The following OPHN1 variants were observed in gnomAD, a reference collection of about 807,000 sequenced individuals.
OPHN1 encodes oligophrenin-1.
OPHN1 carries 11 observed loss-of-function variants against 60.7 expected under a neutral mutation model. The observed-to-expected ratio is 0.18, with a 90% CI of 0.11 to 0.30. OPHN1 has a LOEUF of 0.30. Ranked by LOEUF, OPHN1 falls within the 10% of genes least tolerant of loss-of-function variation. The probability of loss-of-function intolerance (pLI) is 1.00; values close to 1 mark genes in which losing one functional copy is unlikely to be tolerated. For missense variants in OPHN1, 449 were observed against 611.0 expected (o/e 0.73, Z 2.80); for synonymous variants, 226 against 222.6 (o/e 1.02, Z -0.14).
chrX:68,318,182 C>A (rs905267378), intron 2 of OPHN1, among the ~76,000 whole-genome samples: 2 of 111,658 alleles, frequency 1.8e-5, no homozygotes, highest in South Asian at 7.4e-4. Context: ...ATGAACCCCC[C>A]CAAAAAACAA....
chrX:68,076,650 C>T (rs982586692), intron 19 of OPHN1, among the ~76,000 whole-genome samples: 7 of 111,545 alleles, frequency 6.3e-5, no homozygotes, highest in African/African-American at 1.6e-4. Context: ...TACTATGTGA[C>T]TCAGTCATTT....
intron 15 of OPHN1, among the ~76,000 whole-genome samples, chrX:68,169,188 A>G (rs1171604128): frequency 9.0e-6 from 1 of 111,518 alleles, no homozygotes; most frequent in Non-Finnish European, 1.9e-5. Context: ...CAATTGCTTC[A>G]AAGAGAATAA....
At chrX:68,095,351 T>A (rs940129284) in intron 19 of OPHN1, among the ~76,000 whole-genome samples, 3 of 112,092 alleles carry the variant, frequency 2.7e-5, no homozygotes, top group Non-Finnish European at 5.6e-5. Context: ...ACCATCTGTT[T>A]CCATATTGTC....
intron 2 of OPHN1, among the ~76,000 whole-genome samples, chrX:68,315,868 T>C (rs1340287442): frequency 1.8e-5 from 2 of 110,926 alleles, no homozygotes; most frequent in Non-Finnish European, 3.8e-5. Flanking sequence ...ACAAAAGACT[T>C]GTACAATGAA....
At chrX:68,133,216 C>A in intron 15 of OPHN1, 1 of 758,401 alleles carries the variant, frequency 1.3e-6, no homozygotes, top group Non-Finnish European at 2.1e-6. Flanking sequence ...TAGCACCTAG[C>A]TCTCCAGGTT....
intron 2 of OPHN1, among the ~76,000 whole-genome samples, chrX:68,333,671 G>GCACA (rs368691205): frequency 8.4e-5 from 9 of 107,398 alleles, no homozygotes; most frequent in South Asian, 4.0e-4. Flanking sequence ...GCGCGTGCGT[G>GCACA]CACACACACA....
chrX:68,270,233 T>C (rs1458134767), intron 5 of OPHN1, among the ~76,000 whole-genome samples: 2 of 111,142 alleles, frequency 1.8e-5, no homozygotes, highest in Non-Finnish European at 3.8e-5. Flanking sequence ...GCCATCCCAT[T>C]ACTGGGTATA....
intron 2 of OPHN1, among the ~76,000 whole-genome samples, chrX:68,348,449 T>C (rs1350900001): frequency 2.7e-5 from 3 of 109,812 alleles, no homozygotes; most frequent in Non-Finnish European, 5.7e-5. Flanking sequence ...AAAGAAGTAA[T>C]AAAGAGAGCA....
chrX:68,385,115 T>C (rs2078617910), intron 2 of OPHN1, among the ~76,000 whole-genome samples: 1 of 111,562 alleles, frequency 9.0e-6, no homozygotes. Context: ...CAAAATATAT[T>C]GGGAGAAAGG....
At chrX:68,168,080 A>G (rs1258970906) in intron 15 of OPHN1, among the ~76,000 whole-genome samples, 1 of 111,056 alleles carries the variant, frequency 9.0e-6, no homozygotes, top group Non-Finnish European at 1.9e-5. Flanking sequence ...CACTGTCAAC[A>G]TTAGACAGAT....
chrX:68,199,463 C>A (rs1222234631), intron 11 of OPHN1, among the ~76,000 whole-genome samples: 2 of 111,728 alleles, frequency 1.8e-5, no homozygotes, highest in Admixed American at 1.9e-4. Flanking sequence ...CAGAGTAAGA[C>A]CCTCTCTCTA....
intron 19 of OPHN1, among the ~76,000 whole-genome samples, chrX:68,077,044 G>A (rs755627781): frequency 9.0e-6 from 1 of 111,375 alleles, no homozygotes; most frequent in East Asian, 2.8e-4. Context: ...GAAGCGACCA[G>A]CCACTGAAAA....
intron 19 of OPHN1, among the ~76,000 whole-genome samples, chrX:68,077,183 G>A (rs768232473): frequency 9.0e-6 from 1 of 111,679 alleles, no homozygotes; most frequent in East Asian, 2.8e-4. Flanking sequence ...AAGAAAAATC[G>A]ATATTGTCCT....
rs1466216241 is a variant in OPHN1 at position 68,170,495 on chromosome X, C to T, written c.1276+22424G>A. On this transcript the variant is annotated intron_variant, in intron 15 of 24. Transcript: ENST00000355520. ...GACACATGCACACGTATGTTTATTG[C>T]GGCATTATTCACAATAGCAAAGACT... is the stretch of plus-strand genomic sequence containing the variant. Among the ~76,000 whole-genome samples the T allele has an allele frequency of 3.7e-5, 4 of 109,153 alleles. No homozygotes were observed. In the South Asian group the frequency reaches 1.6e-3, roughly 44 times the overall value. The allele number at this position is 109,153 out of a possible 115,157, so 94.8% of individuals were successfully genotyped here. A position where few individuals can be genotyped will look rare whatever the true frequency, so the allele number is the denominator to read the frequency against.
At chrX:68,268,093 C>T (rs993216130) in intron 5 of OPHN1, among the ~76,000 whole-genome samples, 5 of 111,233 alleles carry the variant, frequency 4.5e-5, no homozygotes, top group Non-Finnish European at 9.4e-5. Context: ...CAGCCGAATT[C>T]TACAGAATAC....
intron 23 of OPHN1, among the ~76,000 whole-genome samples, 160 bp from the exon 24 acceptor site, chrX:68,048,617 T>C (rs1009720514): frequency 4.5e-5 from 5 of 112,204 alleles, no homozygotes; most frequent in Non-Finnish European, 9.4e-5. Context: ...GCTCCATGCT[T>C]ATAGTTGGGG....
intron 5 of OPHN1, among the ~76,000 whole-genome samples, chrX:68,266,003 A>G (rs2077923444): frequency 8.9e-6 from 1 of 111,739 alleles, no homozygotes. Context: ...AAACAAACAA[A>G]GCCTCCAAGA....
chrX:68,213,152 T>C (rs2077592327), intron 7 of OPHN1, among the ~76,000 whole-genome samples: 1 of 111,998 alleles, frequency 8.9e-6, no homozygotes, highest in South Asian at 3.7e-4. Flanking sequence ...GGGGATCACT[T>C]GGGCCCGGGA....
chrX:68,332,147 CTG>C (rs2078298531), intron 2 of OPHN1, among the ~76,000 whole-genome samples: 1 of 111,866 alleles, frequency 8.9e-6, no homozygotes, highest in Non-Finnish European at 1.9e-5. Flanking sequence ...TTTTATGACT[CTG>C]TGCTTTTAAA....
Sources: gnomAD v4.1 joint callset for allele counts (sites outside exome capture counted in the v4.1 genomes callset) on GRCh38, gnomAD v4.1.1 for gene constraint, MANE v1.5 for transcripts, NCBI Gene and HGNC (gene_info 2026-07-23, HGNC 2026-07-21) for gene names.